PAPPA: variants seen among roughly 807,000 people sequenced by gnomAD.
The protein encoded by PAPPA is pappalysin-1.
A neutral mutation model predicts 164.0 loss-of-function variants in PAPPA; 60 were observed. The ratio of observed to expected loss-of-function variants is 0.37; its 90% CI spans 0.30 to 0.45. PAPPA has a LOEUF of 0.45. PAPPA is among the 20% of genes least tolerant of loss of function. The probability of loss-of-function intolerance (pLI) is 1.00; values close to 1 mark genes in which losing one functional copy is unlikely to be tolerated. For missense variants in PAPPA, 1,782 were observed against 2,087.3 expected (o/e 0.85, Z 2.85); for synonymous variants, 875 against 814.1 (o/e 1.07, Z -1.27).
Position 116,362,627 on chromosome 9 carries a change from T to A in PAPPA, c.4383T>A (p.Asp1461Glu). 1 of 1,614,146 alleles carries A rather than the reference T, an allele frequency of 6.2e-7. No homozygotes were observed. Among genetic ancestry groups the A allele is most frequent in the South Asian group, 1.1e-5 (1 of 91,070 alleles). ...LGSNVIHCRKDGTWNGSFHVC... is the reference protein window; with the variant it reads ...LGSNVIHCRKEGTWNGSFHVC... Reference sequence around the variant, plus strand: ...GCAATGTCATTCATTGCCGGAAAGATGGCACCTGGAACGGCTCCTTCCATG... The same window carrying A: ...GCAATGTCATTCATTGCCGGAAAGAAGGCACCTGGAACGGCTCCTTCCATG... Residue 1461 changes from aspartate (D) to glutamate (E), a missense_variant, in exon 18 of 22, where the codon GAT (aspartate) becomes GAA (glutamate). By Grantham distance (45) the Asp-to-Glu change is conservative. Transcript: ENST00000328252.
intron 9 of PAPPA, among the ~76,000 whole-genome samples, chr9:116,291,920 G>C (rs1225391245): frequency 2.6e-5 from 4 of 152,100 alleles, no homozygotes; most frequent in Non-Finnish European, 5.9e-5. Flanking sequence ...AGTGGGGATG[G>C]AGGATTAGAA....
At chr9:116,287,254 T>C (rs1413270275) in intron 9 of PAPPA, 1 of 152,248 alleles carries the variant, frequency 6.6e-6, no homozygotes, top group Non-Finnish European at 1.5e-5. Flanking sequence ...GTTATTCATT[T>C]CACAAATACG....
intron 17 of PAPPA, among the ~76,000 whole-genome samples, chr9:116,356,515 C>T (rs140490824): frequency 6.6e-6 from 1 of 152,348 alleles, no homozygotes; most frequent in African/African-American, 2.4e-5. Flanking sequence ...CAACAGATTG[C>T]AACCTAGCCC....
intron 21 of PAPPA, among the ~76,000 whole-genome samples, chr9:116,382,753 T>C (rs1846749401): frequency 6.6e-6 from 1 of 152,124 alleles, no homozygotes. Flanking sequence ...CTGCAATAAG[T>C]ACTTTCGGAA....
intron 7 of PAPPA, among the ~76,000 whole-genome samples, chr9:116,251,039 G>C (rs1844854414): frequency 1.3e-5 from 2 of 152,170 alleles, no homozygotes; most frequent in African/African-American, 4.8e-5. Flanking sequence ...TAAGCTCAGG[G>C]TTCATGTGAC....
chr9:116,341,742 C>T (rs1278933776), intron 13 of PAPPA, among the ~76,000 whole-genome samples: 1 of 152,152 alleles, frequency 6.6e-6, no homozygotes, highest in East Asian at 1.9e-4. Context: ...CAGTAAAGCC[C>T]CCAGTGAAGG....
intron 14 of PAPPA, among the ~76,000 whole-genome samples, chr9:116,345,458 CCA>C (rs1439964705): frequency 3.3e-5 from 5 of 149,820 alleles, no homozygotes; most frequent in African/African-American, 1.2e-4. Context: ...AAAAAACATG[CCA>C]CAGATTTTTT....
At chr9:116,171,057 CT>C in intron 1 of PAPPA, among the ~76,000 whole-genome samples, 1 of 152,280 alleles carries the variant, frequency 6.6e-6, no homozygotes, top group South Asian at 2.1e-4. Context: ...CCAGAGGCTC[CT>C]TTATCAACAG....
At chr9:116,288,970 A>T (rs961956112) in intron 9 of PAPPA, 1 of 151,758 alleles carries the variant, frequency 6.6e-6, no homozygotes, top group African/African-American at 2.4e-5. Context: ...CTTGGTTTTC[A>T]TGTGGTGCCT....
At chr9:116,166,992 G>A (rs1411098171) in intron 1 of PAPPA, among the ~76,000 whole-genome samples, 1 of 152,100 alleles carries the variant, frequency 6.6e-6, no homozygotes, top group Non-Finnish European at 1.5e-5. Flanking sequence ...AAGAAATAGA[G>A]GAAAAATCTG....
At chr9:116,157,473 C>T (rs1012764078) in intron 1 of PAPPA, among the ~76,000 whole-genome samples, 10 of 152,168 alleles carry the variant, frequency 6.6e-5, no homozygotes, top group African/African-American at 2.4e-5. Flanking sequence ...GTAGGATTCT[C>T]TGGAGGGTCC....
Position 116,271,272 on chromosome 9 carries a change from G to A in PAPPA, c.2862-53G>A. The A allele has an allele frequency of 7.8e-7, 1 of 1,286,522 alleles. No individual in the cohort carries two copies. Among genetic ancestry groups the A allele is most frequent in the Non-Finnish European group, 1.1e-6 (1 of 881,584 alleles). 79.7% of individuals were successfully genotyped at this position (1,286,522 alleles called of 1,614,324 possible). A position where few individuals can be genotyped will look rare whatever the true frequency, so the allele number is the denominator to read the frequency against. On this transcript the variant is annotated intron_variant, in intron 8 of 21. Coordinates refer to ENST00000328252, the MANE Select transcript of PAPPA (RefSeq NM_002581.5). The surrounding 1 kb of genome is among the most constrained non-coding windows in gnomAD (Gnocchi z 4.2). The stretch of plus-strand genomic sequence containing the variant: ...CCAGGGAGGGACTTTTCCATGTCCA[G>A]CCATGGTTTTAAGACTAAATTGGCA...
intron 2 of PAPPA, among the ~76,000 whole-genome samples, chr9:116,193,080 C>A (rs1315911650): frequency 1.3e-5 from 2 of 152,020 alleles, no homozygotes; most frequent in Non-Finnish European, 2.9e-5. Flanking sequence ...GAAACATTTC[C>A]TTTGTCTTCT....
intron 9 of PAPPA, among the ~76,000 whole-genome samples, chr9:116,284,299 TCAAA>T (rs1275708223): frequency 2.0e-5 from 3 of 152,222 alleles, no homozygotes; most frequent in Non-Finnish European, 2.9e-5. Context: ...AATAGCATGT[TCAAA>T]CAGACATATT....
At chr9:116,211,575 G>T in intron 3 of PAPPA, 64 bp from the exon 4 acceptor site, 2 of 1,425,012 alleles carry the variant, frequency 1.4e-6, no homozygotes, top group South Asian at 1.2e-5. Context: ...TGATGGACTT[G>T]GGGGTTCTTG....
At position 116,335,176 on chromosome 9, in the gene PAPPA, T is replaced by C. The variant is rs373165810; in HGVS notation, c.3611+102T>C. On this transcript the variant is annotated intron_variant, in intron 13 of 21. Transcript: ENST00000328252. ...CATTTGTGTGGATGTAAAAAGTCTG[T>C]GCATTTCTCCCTTCTCCATCCATCC... The C allele has an allele frequency of 5.3e-5, 50 of 945,550 alleles. No individual in the cohort carries two copies. In the East Asian group the frequency reaches 8.8e-4, roughly 17 times the overall value. The allele number at this position is 945,550 out of a possible 1,614,324, so 58.6% of individuals were successfully genotyped here.
At chr9:116,216,276 A>C (rs1354817307) in intron 4 of PAPPA, among the ~76,000 whole-genome samples, 1 of 152,178 alleles carries the variant, frequency 6.6e-6, no homozygotes, top group Non-Finnish European at 1.5e-5. Context: ...ATGGTGGGTG[A>C]AAATGTGGCT....
chr9:116,391,088 G>A (rs1336217271), intron 21 of PAPPA, among the ~76,000 whole-genome samples: 3 of 152,158 alleles, frequency 2.0e-5, no homozygotes, highest in African/African-American at 4.8e-5. Flanking sequence ...AGACTCAAAC[G>A]TGTCTTTTTC....
intron 1 of PAPPA, among the ~76,000 whole-genome samples, chr9:116,182,597 T>C (rs564999588): frequency 7.9e-5 from 12 of 152,308 alleles, no homozygotes; most frequent in Admixed American, 7.8e-4. Flanking sequence ...TCTCCCACAC[T>C]CTGTACAGCC....
Sources: allele counts gnomAD v4.1 joint callset (sites outside exome capture counted in the v4.1 genomes callset), GRCh38; gene constraint gnomAD v4.1.1; non-coding constraint Gnocchi (gnomAD v3.1); transcripts MANE v1.5; gene names NCBI Gene and HGNC (gene_info 2026-07-23, HGNC 2026-07-21).